CCDC175: variants seen among roughly 807,000 people sequenced by gnomAD.
The protein encoded by CCDC175 is coiled-coil domain containing 175.
A neutral mutation model predicts 114.6 loss-of-function variants in CCDC175; 100 were observed. The ratio of observed to expected loss-of-function variants is 0.87; its 90% CI spans 0.74 to 1.03. The LOEUF (loss-of-function observed/expected upper bound fraction) is 1.03, where lower values mean the gene tolerates loss of function less well. CCDC175 is among the 50% of genes least tolerant of loss of function. CCDC175 has a pLI of 0.00. For missense variants in CCDC175, 880 were observed against 917.8 expected (o/e 0.96, Z 0.53); for synonymous variants, 306 against 308.7 (o/e 0.99, Z 0.09).
At chr14:59,550,476 A>G (rs1313493489) in intron 8 of CCDC175, among the ~76,000 whole-genome samples, 1 of 152,130 alleles carries the variant, frequency 6.6e-6, no homozygotes, top group African/African-American at 2.4e-5. Context: ...TGACTCAAAT[A>G]CTTCTAAATA....
At chr14:59,532,033 A>G in intron 13 of CCDC175, 123 bp from the exon 14 acceptor site, 1 of 574,946 alleles carries the variant, frequency 1.7e-6, no homozygotes, top group Non-Finnish European at 3.0e-6. Context: ...ATCCTGAGGT[A>G]CATAGAAAGA....
chr14:59,565,883 T>A (rs1282489922), intron 4 of CCDC175, among the ~76,000 whole-genome samples: 2 of 152,098 alleles, frequency 1.3e-5, no homozygotes, highest in Non-Finnish European at 2.9e-5. Flanking sequence ...CAAAAGTAAT[T>A]TTGAACAGGA....
At chr14:59,559,765 A>T (rs1896124757) in intron 7 of CCDC175, among the ~76,000 whole-genome samples, 1 of 152,136 alleles carries the variant, frequency 6.6e-6, no homozygotes, top group Non-Finnish European at 1.5e-5. Flanking sequence ...AAAAAGGAGG[A>T]TCACTTGTAT....
chr14:59,528,699 T>C (rs1893892280), intron 14 of CCDC175, among the ~76,000 whole-genome samples: 1 of 152,260 alleles, frequency 6.6e-6, no homozygotes, highest in Non-Finnish European at 1.5e-5. Context: ...TTGGTAGATA[T>C]TTGGCATCTC....
At chr14:59,515,699 C>T (rs1893037725) in intron 17 of CCDC175, among the ~76,000 whole-genome samples, 2 of 152,152 alleles carry the variant, frequency 1.3e-5, no homozygotes, top group African/African-American at 4.8e-5. Flanking sequence ...GAGACTTAGA[C>T]TCCCACACAA....
intron 8 of CCDC175, among the ~76,000 whole-genome samples, chr14:59,548,449 C>G (rs903595407): frequency 6.6e-6 from 1 of 152,158 alleles, no homozygotes; most frequent in Non-Finnish European, 1.5e-5. Flanking sequence ...AAGAGCCTTG[C>G]ATTCTTTGAA....
rs960275753 is a variant in CCDC175, at chr14:59,561,057, CTATAT to C, written c.953+57_953+61del. ...TAAAAATGAAAACATAGCATATTAA[CTATAT>C]TATATCATATTAACATATCTCGAAA... On this transcript the variant is annotated intron_variant, in intron 7 of 19. Coordinates refer to ENST00000537690, the MANE Select transcript of CCDC175 (RefSeq NM_001164399.2). 65 of 778,296 alleles carry C rather than the reference CTATAT, an allele frequency of 8.4e-5. No individual in the cohort carries two copies. The African/African-American group carries it at 9.3e-4, about 11-fold the overall frequency. 48.2% of individuals were successfully genotyped at this position (778,296 alleles called of 1,614,324 possible).
chr14:59,556,265 G>A (rs769086468), intron 7 of CCDC175, among the ~76,000 whole-genome samples: 106 of 152,078 alleles, frequency 7.0e-4, no homozygotes, highest in Non-Finnish European at 1.3e-3. Context: ...AAACAGAGAT[G>A]TAGACCAATG....
At chr14:59,533,427 G>A (rs570884210) in intron 13 of CCDC175, among the ~76,000 whole-genome samples, 1 of 152,246 alleles carries the variant, frequency 6.6e-6, no homozygotes, top group East Asian at 1.9e-4. Context: ...GTTTCCCAAT[G>A]AAAAAGGAAA....
chr14:59,537,382 G>A (rs1894464147), intron 13 of CCDC175, among the ~76,000 whole-genome samples: 1 of 152,002 alleles, frequency 6.6e-6, no homozygotes, highest in South Asian at 2.1e-4. Context: ...GCAGTATGGG[G>A]TTATTTCCTT....
intron 19 of CCDC175, 85 bp downstream of exon 19, chr14:59,510,561 A>C: frequency 7.5e-7 from 1 of 1,332,388 alleles, no homozygotes; most frequent in Non-Finnish European, 1.0e-6. Flanking sequence ...CTTAGTTGAC[A>C]CGTTTTTTCT....
intron 8 of CCDC175, among the ~76,000 whole-genome samples, chr14:59,548,320 A>G (rs1273990326): frequency 6.6e-6 from 1 of 152,170 alleles, no homozygotes; most frequent in Non-Finnish European, 1.5e-5. Context: ...GCTGGGAAAA[A>G]AAGGTAAAGT....
chr14:59,555,039 A>G (rs1322094541), intron 7 of CCDC175, among the ~76,000 whole-genome samples: 3 of 152,220 alleles, frequency 2.0e-5, no homozygotes, highest in African/African-American at 7.2e-5. Flanking sequence ...CCAGAGGTAC[A>G]AGGAGGAGCT....
At position 59,576,668 on chromosome 14, in the gene CCDC175, G is replaced by A; in HGVS notation, c.108C>T (p.Thr36=). The A allele has an allele frequency of 1.3e-6, 2 of 1,484,034 alleles. No homozygotes were observed. Among genetic ancestry groups the A allele is most frequent in the Non-Finnish European group, 8.9e-7 (1 of 1,124,942 alleles). The allele number at this position is 1,484,034 out of a possible 1,614,324, so 91.9% of individuals were successfully genotyped here. The change falls in exon 1 of 20, where the codon ACC becomes ACT. Residue 36 remains threonine (T), a synonymous_variant. Coordinates refer to ENST00000537690, the MANE Select transcript of CCDC175 (RefSeq NM_001164399.2). Reference sequence around the variant, plus strand: ...CCTCGACCGCGACCGAGGAGCCCAGGGTGGAGGGTAAGGTGCATAACTCCA... The same window carrying A: ...CCTCGACCGCGACCGAGGAGCCCAGAGTGGAGGGTAAGGTGCATAACTCCA... The part of the protein sequence containing the change: ...PSLELCTLPS[T]LGSSVAVEAL...
chr14:59,559,546 T>C (rs1758025566), intron 7 of CCDC175, among the ~76,000 whole-genome samples: 1 of 152,202 alleles, frequency 6.6e-6, no homozygotes, highest in Admixed American at 6.5e-5. Context: ...TAGGAAAGTG[T>C]GTCGTGCAAA....
intron 13 of CCDC175, among the ~76,000 whole-genome samples, chr14:59,536,522 C>T (rs539540241): frequency 2.6e-5 from 4 of 152,030 alleles, no homozygotes; most frequent in East Asian, 3.9e-4. Flanking sequence ...TAGAAGAATG[C>T]CAGGCACCTA....
chr14:59,515,994 GA>G (rs1456164748), intron 17 of CCDC175, among the ~76,000 whole-genome samples: 1 of 152,150 alleles, frequency 6.6e-6, no homozygotes, highest in Non-Finnish European at 1.5e-5. Context: ...AATCAAACTA[GA>G]ACTCAGGATT....
intron 16 of CCDC175, among the ~76,000 whole-genome samples, chr14:59,524,629 T>G (rs892402135): frequency 6.6e-6 from 1 of 152,122 alleles, no homozygotes; most frequent in Non-Finnish European, 1.5e-5. Context: ...GGAGTGGCAA[T>G]TGGTGCAACT....
At chr14:59,575,098 T>C in intron 1 of CCDC175, 70 bp from the exon 2 acceptor site, 1 of 794,604 alleles carries the variant, frequency 1.3e-6, no homozygotes, top group Non-Finnish European at 1.9e-6. Flanking sequence ...TTTTATGATC[T>C]AGCTCAAATG....
Sources: gnomAD v4.1 joint callset for allele counts (sites outside exome capture counted in the v4.1 genomes callset) on GRCh38, gnomAD v4.1.1 for gene constraint, MANE v1.5 for transcripts, NCBI Gene and HGNC (gene_info 2026-07-23, HGNC 2026-07-21) for gene names.